Variants in DOCK3 observed in about 807,000 individuals in gnomAD.
DOCK3 encodes dedicator of cytokinesis protein 3.
Under a neutral mutation model 265.6 loss-of-function variants are expected in DOCK3, and 60 were observed. The observed-to-expected ratio is 0.23, with a 90% CI of 0.18 to 0.28. The LOEUF (loss-of-function observed/expected upper bound fraction) is 0.28. Ranked by LOEUF, DOCK3 falls within the 10% of genes least tolerant of loss-of-function variation. The probability of loss-of-function intolerance (pLI) is 1.00; values close to 1 mark genes in which losing one functional copy is unlikely to be tolerated. For synonymous variants in DOCK3, 881 were observed against 938.0 expected (o/e 0.94, Z 1.11); for missense variants, 1,981 against 2,594.3 (o/e 0.76, Z 5.14).
At chr3:50,714,643 G>A (rs554858214) in intron 1 of DOCK3, among the ~76,000 whole-genome samples, 8 of 152,090 alleles carry the variant, frequency 5.3e-5, no homozygotes, top group Non-Finnish European at 1.2e-4. Context: ...TAGAGATGGA[G>A]TCTCACTATG....
chr3:50,806,136 T>C (rs2043399254), intron 2 of DOCK3, among the ~76,000 whole-genome samples: 1 of 152,050 alleles, frequency 6.6e-6, no homozygotes, highest in South Asian at 2.1e-4. Context: ...TAGGGCTGTT[T>C]CTTGAGGCTG....
intron 5 of DOCK3, among the ~76,000 whole-genome samples, chr3:51,010,041 T>C (rs1240390614): frequency 6.6e-6 from 1 of 152,236 alleles, no homozygotes; most frequent in Admixed American, 6.5e-5. Context: ...CTTCCAACTC[T>C]GTGGTCAATT....
At chr3:51,230,578 G>T (rs763916364) in intron 19 of DOCK3, among the ~76,000 whole-genome samples, 8 of 151,880 alleles carry the variant, frequency 5.3e-5, no homozygotes, top group Non-Finnish European at 1.2e-4. Flanking sequence ...GTGCAGTGGC[G>T]CAATCTCGGC....
At chr3:50,948,771 G>A (rs765643236) in intron 5 of DOCK3, among the ~76,000 whole-genome samples, 1 of 152,026 alleles carries the variant, frequency 6.6e-6, no homozygotes, top group Non-Finnish European at 1.5e-5. Context: ...GAGCCACCAC[G>A]TCCAGCCTGA....
At chr3:50,934,866 G>T (rs1271169098) in intron 5 of DOCK3, among the ~76,000 whole-genome samples, 1 of 152,162 alleles carries the variant, frequency 6.6e-6, no homozygotes, top group African/African-American at 2.4e-5. Context: ...GACAGGGTTT[G>T]GGCTCTGGAC....
At chr3:50,772,209 CAT>C (rs36068156) in intron 1 of DOCK3, among the ~76,000 whole-genome samples, 14,346 of 152,226 alleles carry the variant, frequency 0.094, 829 homozygotes, top group Non-Finnish European at 0.12. Context: ...ACAGACATCA[CAT>C]GTTATCACTT....
At chr3:50,893,837 G>A (rs549097825) in intron 4 of DOCK3, among the ~76,000 whole-genome samples, 2 of 151,988 alleles carry the variant, frequency 1.3e-5, no homozygotes, top group African/African-American at 4.8e-5. Context: ...CATGGATGAA[G>A]CTGGAAGCCA....
At chr3:50,908,697 GTA>G (rs1415505598) in intron 4 of DOCK3, among the ~76,000 whole-genome samples, 2 of 152,064 alleles carry the variant, frequency 1.3e-5, no homozygotes, top group African/African-American at 4.8e-5. Context: ...TATCCTGTTG[GTA>G]TTGGTTGGAG....
chr3:50,984,725 C>T (rs374883853), intron 5 of DOCK3, among the ~76,000 whole-genome samples: 1 of 152,078 alleles, frequency 6.6e-6, no homozygotes, highest in Admixed American at 6.5e-5. Context: ...GTATAGTTGG[C>T]CTCTGTATTC....
chr3:51,159,064 C>A (rs1422608961), intron 10 of DOCK3, among the ~76,000 whole-genome samples, 180 bp from the exon 11 acceptor site: 1 of 152,124 alleles, frequency 6.6e-6, no homozygotes, highest in Non-Finnish European at 1.5e-5. Context: ...ACTTCCAAAG[C>A]CATATAAGAT....
chr3:50,975,885 C>T (rs1400152837), intron 5 of DOCK3, among the ~76,000 whole-genome samples: 5 of 149,780 alleles, frequency 3.3e-5, no homozygotes, highest in Admixed American at 6.7e-5. Flanking sequence ...GTGTATGTGT[C>T]GAGGAATTTA....
intron 9 of DOCK3, among the ~76,000 whole-genome samples, chr3:51,099,780 G>A (rs141144914): frequency 6.6e-6 from 1 of 152,282 alleles, no homozygotes; most frequent in Non-Finnish European, 1.5e-5. Context: ...TAAGTAAATT[G>A]TATCATATTT....
At chr3:51,238,119 CTTTTTTTTTTTTTTTTTTTTTTTTTTT>C (rs747331452) in intron 21 of DOCK3, among the ~76,000 whole-genome samples, 1 of 47,438 alleles carries the variant, frequency 2.1e-5, no homozygotes, top group Non-Finnish European at 3.7e-5. Flanking sequence ...ATATTTACCA[CTTTTTTTTTTTTTTTTTTTTTTTTTTT>C]TTTTTTTTTT....
intron 1 of DOCK3, among the ~76,000 whole-genome samples, chr3:50,718,005 T>C (rs939069639): frequency 2.0e-5 from 3 of 152,238 alleles, no homozygotes; most frequent in Non-Finnish European, 2.9e-5. Flanking sequence ...TCACAATATA[T>C]ATCAAGTATA....
intron 5 of DOCK3, among the ~76,000 whole-genome samples, chr3:51,006,518 A>G (rs757150716): frequency 6.6e-6 from 1 of 152,146 alleles, no homozygotes. Flanking sequence ...AAAGGCTTCT[A>G]CCTTTCCTTC....
At chr3:51,124,384 G>A (rs1240420340) in intron 9 of DOCK3, among the ~76,000 whole-genome samples, 1 of 152,108 alleles carries the variant, frequency 6.6e-6, no homozygotes, top group Non-Finnish European at 1.5e-5. Flanking sequence ...CTTGAAATGT[G>A]GCTAATGTGA....
chr3:50,872,804 C>T (rs948289914), intron 3 of DOCK3, among the ~76,000 whole-genome samples: 1 of 152,212 alleles, frequency 6.6e-6, no homozygotes, highest in African/African-American at 2.4e-5. Flanking sequence ...AGAGGAGCCT[C>T]ATCCTGTGGC....
intron 5 of DOCK3, among the ~76,000 whole-genome samples, chr3:50,951,250 T>G (rs1467171223): frequency 6.6e-6 from 1 of 152,174 alleles, no homozygotes; most frequent in Non-Finnish European, 1.5e-5. Context: ...CCTCCTTCCT[T>G]CTTTCTCTCC....
intron 19 of DOCK3, 139 bp from the exon 20 acceptor site, chr3:51,236,206 G>A: frequency 1.4e-6 from 1 of 700,820 alleles, no homozygotes; most frequent in Non-Finnish European, 2.5e-6. Context: ...CAGGGTACTA[G>A]TACGATGATT....
Sources: gnomAD v4.1 joint callset for allele counts (sites outside exome capture counted in the v4.1 genomes callset) on GRCh38, gnomAD v4.1.1 for gene constraint, MANE v1.5 for transcripts, NCBI Gene and HGNC (gene_info 2026-07-23, HGNC 2026-07-21) for gene names.